Variants in GPC6 observed in about 807,000 individuals in gnomAD.
The protein encoded by GPC6 is glypican 6, also known as glypican-6.
In GPC6, 14 loss-of-function variants were observed where a neutral mutation model predicts 55.2. That is an observed-to-expected ratio of 0.25 (90% CI 0.17 to 0.40). The LOEUF (loss-of-function observed/expected upper bound fraction) is 0.40. GPC6 is among the 10% of genes least tolerant of loss of function. The pLI is 1.00. For synonymous variants in GPC6, 278 were observed against 259.6 expected (o/e 1.07, Z -0.68); for missense variants, 641 against 708.5 (o/e 0.90, Z 1.08).
At position 94,407,416 on chromosome 13, in the gene GPC6, G is replaced by T. The variant is rs1566771172; in HGVS notation, c.*4199G>T. ...TTAAAAATCTACCAGTGCCCTTTCT[G>T]CATTTTCTTAATTATTGTCATAGTC... On this transcript the variant is annotated 3_prime_UTR_variant, in exon 9 of 9. Coordinates refer to ENST00000377047, the MANE Select transcript of GPC6 (RefSeq NM_005708.5). The T allele has an allele frequency of 6.6e-6, 1 of 152,012 alleles. No homozygotes were observed. The highest frequency in any genetic ancestry group is 1.5e-5 in the Non-Finnish European group (1 of 67,986). The allele number at this position is 152,012 out of a possible 1,614,324, so 9.4% of individuals were successfully genotyped here. A position where few individuals can be genotyped will look rare whatever the true frequency, so the allele number is the denominator to read the frequency against.
chr13:93,861,832 C>T (rs975206757), intron 3 of GPC6, among the ~76,000 whole-genome samples: 2 of 151,666 alleles, frequency 1.3e-5, no homozygotes, highest in South Asian at 2.1e-4. Context: ...TCCTTCTGGA[C>T]GTTATTTTAC....
chr13:93,436,317 G>T (rs1028103584), intron 1 of GPC6, among the ~76,000 whole-genome samples: 7 of 152,120 alleles, frequency 4.6e-5, no homozygotes, highest in African/African-American at 1.4e-4. Flanking sequence ...TGTATTTATA[G>T]CTGTATGGAT....
rs1395794977 is a variant in GPC6, at chr13:94,111,657, TA to T, written c.877+83764del. Among the ~76,000 whole-genome samples the T allele has an allele frequency of 8.5e-5, 13 of 152,216 alleles. No individual in the cohort carries two copies. In the South Asian group the frequency reaches 2.3e-3, roughly 27 times the overall value. ...CCTTTCTTCTTCCTTATGTACTTTGTACTCCATAATATAGAATCATTATAGC... is the reference window on the plus strand; with the variant it reads ...CCTTTCTTCTTCCTTATGTACTTTGTCTCCATAATATAGAATCATTATAGC... On this transcript the variant is annotated intron_variant, in intron 4 of 8. Transcript: ENST00000377047.
intron 4 of GPC6, among the ~76,000 whole-genome samples, chr13:94,195,937 G>A (rs149075902): frequency 1.1e-3 from 168 of 152,338 alleles, no homozygotes; most frequent in Admixed American, 1.6e-3. Flanking sequence ...GGGCTTTCCT[G>A]AGATATGGCC....
intron 3 of GPC6, among the ~76,000 whole-genome samples, chr13:93,997,928 T>A (rs1881631284): frequency 6.6e-6 from 1 of 152,200 alleles, no homozygotes; most frequent in African/African-American, 2.4e-5. Context: ...CCCTTCCTTA[T>A]CTCCCAAATT....
chr13:93,240,302 C>T (rs1427370792), intron 1 of GPC6, among the ~76,000 whole-genome samples: 1 of 152,046 alleles, frequency 6.6e-6, no homozygotes, highest in East Asian at 1.9e-4. Flanking sequence ...TCCGGAAGCT[C>T]TGGTGTTAGG....
intron 3 of GPC6, among the ~76,000 whole-genome samples, chr13:93,833,096 T>TAGG (rs1288452703): frequency 3.4e-5 from 4 of 119,328 alleles, no homozygotes; most frequent in Non-Finnish European, 5.2e-5. Context: ...GATGGGTAGA[T>TAGG]AGGTAGATGA....
At chr13:94,087,926 C>G (rs947281605) in intron 4 of GPC6, among the ~76,000 whole-genome samples, 6 of 152,290 alleles carry the variant, frequency 3.9e-5, no homozygotes, top group Admixed American at 3.9e-4. Flanking sequence ...GACATGGGTA[C>G]CAGCCTACAG....
At chr13:93,264,618 C>T (rs1306870987) in intron 1 of GPC6, among the ~76,000 whole-genome samples, 1 of 151,968 alleles carries the variant, frequency 6.6e-6, no homozygotes, top group Non-Finnish European at 1.5e-5. Context: ...ATTATGTTGC[C>T]CAGGGTTGAA....
chr13:93,783,248 C>T (rs1885712680), intron 2 of GPC6, among the ~76,000 whole-genome samples: 1 of 152,034 alleles, frequency 6.6e-6, no homozygotes, highest in South Asian at 2.1e-4. Flanking sequence ...GATTCCATGT[C>T]TTTGCTATTG....
intron 4 of GPC6, among the ~76,000 whole-genome samples, chr13:94,272,632 C>A (rs1892076049): frequency 6.6e-6 from 1 of 151,778 alleles, no homozygotes. Context: ...CCACGCCCGG[C>A]TAATTTTTTG....
At chr13:93,647,685 C>G (rs1242944035) in intron 2 of GPC6, among the ~76,000 whole-genome samples, 2 of 152,166 alleles carry the variant, frequency 1.3e-5, no homozygotes, top group Non-Finnish European at 2.9e-5. Flanking sequence ...CCATAACTGT[C>G]ACGTCAAATC....
At chr13:93,561,825 T>A (rs555947025) in intron 2 of GPC6, among the ~76,000 whole-genome samples, 1 of 152,252 alleles carries the variant, frequency 6.6e-6, no homozygotes, top group African/African-American at 2.4e-5. Context: ...GCAGACATTT[T>A]AAAAAATATG....
chr13:93,977,764 C>G (rs899442308), intron 3 of GPC6, among the ~76,000 whole-genome samples: 2 of 152,104 alleles, frequency 1.3e-5, no homozygotes, highest in African/African-American at 4.8e-5. Context: ...TACCTAAGGA[C>G]TGCTGCTATT....
intron 7 of GPC6, among the ~76,000 whole-genome samples, chr13:94,391,016 T>C (rs1594235067): frequency 1.3e-5 from 2 of 152,212 alleles, no homozygotes; most frequent in African/African-American, 2.4e-5. Flanking sequence ...GTTTGCTAAC[T>C]GCAGGTCTAC....
intron 2 of GPC6, among the ~76,000 whole-genome samples, chr13:93,821,233 C>G (rs983340538): frequency 6.6e-6 from 1 of 152,038 alleles, no homozygotes; most frequent in Non-Finnish European, 1.5e-5. Flanking sequence ...AATGTGAAAA[C>G]CATTCTTAGC....
intron 2 of GPC6, among the ~76,000 whole-genome samples, chr13:93,676,106 TAA>T (rs760322815): frequency 1.1e-3 from 26 of 23,126 alleles, no homozygotes; most frequent in South Asian, 1.4e-3. Flanking sequence ...CTGTTTCTAC[TAA>T]AAAAAAAAAA....
At chr13:94,018,731 G>A (rs1882582645) in intron 3 of GPC6, among the ~76,000 whole-genome samples, 1 of 152,176 alleles carries the variant, frequency 6.6e-6, no homozygotes, top group Non-Finnish European at 1.5e-5. Flanking sequence ...TTAGGAACGG[G>A]TTCACACAGC....
chr13:93,752,807 G>T (rs1369782683), intron 2 of GPC6, among the ~76,000 whole-genome samples: 1 of 152,122 alleles, frequency 6.6e-6, no homozygotes, highest in Non-Finnish European at 1.5e-5. Flanking sequence ...AATTACTGGG[G>T]TAGTGCTGAG....
Sources: gnomAD v4.1 joint callset for allele counts (sites outside exome capture counted in the v4.1 genomes callset) on GRCh38, gnomAD v4.1.1 for gene constraint, MANE v1.5 for transcripts, NCBI Gene and HGNC (gene_info 2026-07-23, HGNC 2026-07-21) for gene names.